The following TTC23 variants were observed in gnomAD, a reference collection of about 807,000 sequenced individuals.
The protein encoded by TTC23 is tetratricopeptide repeat protein 23.
A neutral mutation model predicts 55.1 loss-of-function variants in TTC23; 58 were observed. The observed-to-expected ratio is 1.05, with a 90% CI of 0.85 to 1.31. The LOEUF (loss-of-function observed/expected upper bound fraction) is 1.31, where lower values mean the gene tolerates loss of function less well. Among genes scored for constraint, TTC23 ranks in the 50% most tolerant of loss-of-function variants. The pLI is 0.00. For synonymous variants in TTC23, 203 were observed against 199.9 expected (o/e 1.02, Z -0.13); for missense variants, 516 against 534.4 (o/e 0.97, Z 0.34).
chr15:99,180,409 C>T (rs961240743), intron 9 of TTC23, among the ~76,000 whole-genome samples: 1 of 151,830 alleles, frequency 6.6e-6, no homozygotes, highest in Non-Finnish European at 1.5e-5. Context: ...AGGCACAGAG[C>T]AGCTGTTCCA....
At chr15:99,161,953 G>A (rs2071434101) in intron 10 of TTC23, 86 bp from the exon 11 acceptor site, 2 of 1,412,120 alleles carry the variant, frequency 1.4e-6, no homozygotes, top group Non-Finnish European at 1.9e-6. Flanking sequence ...GCAGTGTTGA[G>A]CTATTTGGAA....
chr15:99,138,130 G>C lies in TTC23; in HGVS notation c.1227-3C>G, dbSNP rs369651345. On this transcript the variant is annotated splice_polypyrimidine_tract_variant and splice_region_variant and intron_variant, in intron 13 of 13. Transcript: ENST00000394132. ...GCTTCGAAGCAACCTTGGGGGCCCT[G>C]CAGACAAGCAGAGGGTGGGGTGAGT... The C allele has an allele frequency of 1.1e-5, 17 of 1,611,968 alleles. No individual in the cohort carries two copies. The highest frequency in any genetic ancestry group is 1.4e-5 in the Non-Finnish European group (16 of 1,179,914).
chr15:99,159,052 T>C (rs748207180), intron 11 of TTC23: 6 of 152,450 alleles, frequency 3.9e-5, no homozygotes, highest in Admixed American at 6.5e-5. Flanking sequence ...TTGGATGGGC[T>C]GGCAGTGGCC....
At chr15:99,144,752 A>C (rs2068632463) in intron 12 of TTC23, 1 of 152,254 alleles carries the variant, frequency 6.6e-6, no homozygotes, top group African/African-American at 2.4e-5. Flanking sequence ...TTTTGTACTT[A>C]CATGAAATGA....
chr15:99,212,247 A>T (rs938821187), intron 8 of TTC23, among the ~76,000 whole-genome samples: 1 of 146,260 alleles, frequency 6.8e-6, no homozygotes, highest in Non-Finnish European at 1.5e-5. Flanking sequence ...ATAGAAAGAT[A>T]ATTTAAAGAG....
intron 5 of TTC23, among the ~76,000 whole-genome samples, chr15:99,225,194 A>T (rs1250456524): frequency 1.3e-5 from 2 of 152,302 alleles, no homozygotes; most frequent in East Asian, 3.9e-4. Flanking sequence ...GTATACAAGA[A>T]ACAGCTTGTC....
rs531722589 is a variant in TTC23 at position 99,228,573 on chromosome 15, A to T, written c.140T>A (p.Leu47His). The T allele has an allele frequency of 6.2e-7, 1 of 1,613,644 alleles. No homozygotes were observed. Among genetic ancestry groups the T allele is most frequent in the African/African-American group, 1.3e-5 (1 of 75,026 alleles). ...LFQPPREKLH[L>H]CEEKAKSYSN... ...ATAGGACTTTGCTTTCTCTTCACAGAGGTGGAGTTTCTCTCGAGGAGGCTG... is the reference window on the plus strand; with the variant it reads ...ATAGGACTTTGCTTTCTCTTCACAGTGGTGGAGTTTCTCTCGAGGAGGCTG... Residue 47 changes from leucine (L) to histidine (H), a missense_variant, in exon 5 of 14, where the codon CTC becomes CAC. By Grantham distance (99) the Leu-to-His change is moderately conservative. Transcript: ENST00000394132.
At chr15:99,183,403 C>T (rs1490365230) in intron 9 of TTC23, among the ~76,000 whole-genome samples, 1 of 151,014 alleles carries the variant, frequency 6.6e-6, no homozygotes, top group Non-Finnish European at 1.5e-5. Flanking sequence ...CTCACTGCAA[C>T]CTCCGCCTCC....
chr15:99,187,954 A>G (rs973947919), intron 9 of TTC23, among the ~76,000 whole-genome samples: 4 of 152,016 alleles, frequency 2.6e-5, no homozygotes, highest in Non-Finnish European at 1.5e-5. Flanking sequence ...AAAGTTAAAT[A>G]TAGAGTTACC....
At chr15:99,238,931 T>A (rs1597025516) in intron 3 of TTC23, among the ~76,000 whole-genome samples, 2 of 152,170 alleles carry the variant, frequency 1.3e-5, no homozygotes, top group African/African-American at 4.8e-5. Context: ...ACCTATTAAA[T>A]CTTATGGAAA....
At chr15:99,214,186 T>G (rs1345184122) in intron 8 of TTC23, among the ~76,000 whole-genome samples, 2 of 152,014 alleles carry the variant, frequency 1.3e-5, no homozygotes, top group Non-Finnish European at 2.9e-5. Context: ...GTTGCACAGC[T>G]CACTGCAAAC....
In TTC23 at chr15:99,139,323, A is replaced by T. The variant is rs782375143; in HGVS notation, c.1220T>A (p.Leu407Gln). The change falls in exon 13 of 14, where the codon CTG becomes CAG. Residue 407 changes from leucine (L) to glutamine (Q), a missense_variant. Physicochemically the swap from Leu to Gln is moderately radical, Grantham distance 113. Transcript: ENST00000394132. ...GTGAGGGACGCCAACTCACGTGGAC[A>T]GCATGCCCATGGCCTGCTGGGTGGC... ...TLATQQAMGM[L>Q]STAPKVASKP... 2 of 1,612,922 alleles carry T rather than the reference A, an allele frequency of 1.2e-6. No individual in the cohort carries two copies. The highest frequency in any genetic ancestry group is 1.7e-6 in the Non-Finnish European group (2 of 1,180,028).
chr15:99,176,891 T>A (rs1294661691), intron 9 of TTC23, among the ~76,000 whole-genome samples: 1 of 152,178 alleles, frequency 6.6e-6, no homozygotes, highest in African/African-American at 2.4e-5. Context: ...TCCTGAGTGC[T>A]GCCATTCCCC....
chr15:99,148,879 T>C (rs1411935133), intron 12 of TTC23, among the ~76,000 whole-genome samples: 1 of 152,200 alleles, frequency 6.6e-6, no homozygotes, highest in African/African-American at 2.4e-5. Flanking sequence ...ACGGTTTCCT[T>C]TTCGGTGATT....
chr15:99,171,352 T>C (rs1352680174), intron 10 of TTC23, among the ~76,000 whole-genome samples: 2 of 152,084 alleles, frequency 1.3e-5, no homozygotes, highest in East Asian at 3.9e-4. Context: ...GTCCTTCAGA[T>C]TCATGGTACT....
At chr15:99,228,998 GTA>G (rs1488550465) in intron 4 of TTC23, among the ~76,000 whole-genome samples, 1 of 151,664 alleles carries the variant, frequency 6.6e-6, no homozygotes, top group Non-Finnish European at 1.5e-5. Flanking sequence ...ATACATACAT[GTA>G]TATGTGTATG....
chr15:99,236,418 C>A (rs995459918), intron 3 of TTC23, among the ~76,000 whole-genome samples: 12 of 151,984 alleles, frequency 7.9e-5, no homozygotes, highest in Non-Finnish European at 1.2e-4. Flanking sequence ...TACTTATTGG[C>A]CATCTGTATA....
chr15:99,200,200 C>T, intron 8 of TTC23, 104 bp from the exon 9 acceptor site: 1 of 1,092,992 alleles, frequency 9.1e-7, no homozygotes, highest in South Asian at 2.2e-5. Flanking sequence ...CCCTGGTGTT[C>T]AGGTTCGTTT....
chr15:99,175,129 G>T lies in TTC23; in HGVS notation c.786C>A (p.Ser262Arg), dbSNP rs1247401701. The change falls in exon 10 of 14, where the codon AGC becomes AGA. Residue 262 changes from serine (S) to arginine (R), a missense_variant. By Grantham distance (110) the Ser-to-Arg change is moderately radical. Coordinates refer to ENST00000394132, the MANE Select transcript of TTC23 (RefSeq NM_001288615.3). ...LQAHLIILSR[S>R]PSQVEAADSA... ...AGTCTGCTGCCTCCACTTGAGAGGG[G>T]CTTCTACTCAGGATGATAAGATGTG... The T allele has an allele frequency of 2.5e-6, 4 of 1,614,046 alleles. No homozygotes were observed. In the East Asian group the frequency reaches 6.7e-5, roughly 27 times the overall value.
Sources: allele counts gnomAD v4.1 joint callset (sites outside exome capture counted in the v4.1 genomes callset), GRCh38; gene constraint gnomAD v4.1.1; transcripts MANE v1.5; gene names NCBI Gene and HGNC (gene_info 2026-07-23, HGNC 2026-07-21).